The following MME variants were observed in gnomAD, a reference collection of about 807,000 sequenced individuals.
MME encodes the protein membrane metalloendopeptidase, also known as neprilysin.
In MME, 98 loss-of-function variants were observed where a neutral mutation model predicts 113.2. The ratio of observed to expected loss-of-function variants is 0.87; its 90% CI spans 0.74 to 1.02. The LOEUF (loss-of-function observed/expected upper bound fraction) is 1.02, where lower values mean the gene tolerates loss of function less well. Among genes scored for constraint, MME ranks in the 50% least tolerant of loss-of-function variants. The probability of loss-of-function intolerance (pLI) is 0.00; values close to 1 mark genes in which losing one functional copy is unlikely to be tolerated. For synonymous variants in MME, 292 were observed against 300.6 expected (o/e 0.97, Z 0.30); for missense variants, 836 against 896.0 (o/e 0.93, Z 0.86).
chr3:155,067,434 CTGAG>C (rs895479496), intron 1 of MME, among the ~76,000 whole-genome samples: 3 of 150,782 alleles, frequency 2.0e-5, no homozygotes, highest in African/African-American at 7.3e-5. Flanking sequence ...CCTCAGCCTC[CTGAG>C]TATCTGGGAT....
chr3:155,148,454 T>C lies in MME; in HGVS notation c.1498-96T>C, dbSNP rs114436113. 5.7e-4 allele frequency: 453 copies of C among 799,444 alleles called. No homozygotes were observed. The African/African-American group carries it at 7.1e-3, about 12-fold the overall frequency. 49.5% of individuals were successfully genotyped at this position (799,444 alleles called of 1,614,324 possible). The stretch of plus-strand genomic sequence containing the variant: ...TTTTTAATGCTCTCTTTTAACTTTA[T>C]TGACTGATATAATTTAAGAAAATCC... On this transcript the variant is annotated intron_variant, in intron 15 of 22. Coordinates refer to ENST00000360490, the MANE Select transcript of MME (RefSeq NM_007289.4).
At chr3:155,103,596 G>A (rs1044213496) in intron 3 of MME, among the ~76,000 whole-genome samples, 4 of 152,102 alleles carry the variant, frequency 2.6e-5, no homozygotes, top group Non-Finnish European at 4.4e-5. Context: ...TCTGTTTAAG[G>A]GAAAATTTCA....
At chr3:155,078,079 C>CAT (rs1714824566), upstream of MME, among the ~76,000 whole-genome samples, 1 of 151,338 alleles carries the variant, frequency 6.6e-6, no homozygotes, top group African/African-American at 2.4e-5. Context: ...CACACACACA[C>CAT]GCAAGCAAAA....
intron 1 of MME, among the ~76,000 whole-genome samples, chr3:155,026,622 C>T (rs945569654): frequency 1.1e-4 from 17 of 152,026 alleles, no homozygotes; most frequent in African/African-American, 3.9e-4. Flanking sequence ...TACTTGGGAG[C>T]CTGAGGCATA....
chr3:155,085,026 C>G (rs202035845), intron 2 of MME, 33 bp from the exon 3 acceptor site: 66 of 1,472,218 alleles, frequency 4.5e-5, no homozygotes, highest in Non-Finnish European at 6.1e-5. Context: ...ATTTGTGTTG[C>G]CAATATTTAT....
intron 3 of MME, among the ~76,000 whole-genome samples, chr3:155,111,805 C>T (rs1718212945): frequency 1.3e-5 from 2 of 152,122 alleles, no homozygotes; most frequent in South Asian, 4.1e-4. Flanking sequence ...AGTGCCCCCT[C>T]CAAATGGCAT....
intron 1 of MME, among the ~76,000 whole-genome samples, chr3:155,044,948 T>G (rs1255578073): frequency 1.3e-5 from 2 of 151,370 alleles, no homozygotes; most frequent in African/African-American, 4.9e-5. Context: ...TTTTTTTTTT[T>G]GGTGGGAAGT....
At chr3:155,028,719 T>C (rs1712867568) in intron 1 of MME, among the ~76,000 whole-genome samples, 1 of 152,192 alleles carries the variant, frequency 6.6e-6, no homozygotes, top group South Asian at 2.1e-4. Flanking sequence ...TTTGGTAGCA[T>C]TACATCTTTA....
intron 8 of MME, among the ~76,000 whole-genome samples, chr3:155,127,238 C>A (rs965177906): frequency 6.6e-6 from 1 of 152,114 alleles, no homozygotes; most frequent in Non-Finnish European, 1.5e-5. Context: ...AGTAGGCAGG[C>A]CATCCAGATG....
chr3:155,172,820 C>T (rs1433105199), intron 22 of MME, among the ~76,000 whole-genome samples: 1 of 151,398 alleles, frequency 6.6e-6, no homozygotes, highest in Non-Finnish European at 1.5e-5. Context: ...TTAGAATCTA[C>T]AATAATTATA....
chr3:155,034,798 T>C (rs190584999), intron 1 of MME, among the ~76,000 whole-genome samples: 5 of 152,336 alleles, frequency 3.3e-5, no homozygotes, highest in Non-Finnish European at 4.4e-5. Flanking sequence ...TCCATGTCTG[T>C]TAGTCAGTTT....
intron 22 of MME, among the ~76,000 whole-genome samples, chr3:155,175,311 G>C (rs1371398125): frequency 1.3e-5 from 2 of 151,644 alleles, no homozygotes; most frequent in African/African-American, 4.8e-5. Flanking sequence ...TCCTATTATT[G>C]TATTGCCTGC....
intron 1 of MME, among the ~76,000 whole-genome samples, chr3:155,060,558 T>C (rs1030987167): frequency 1.1e-4 from 17 of 152,044 alleles, no homozygotes; most frequent in Admixed American, 7.9e-4. Context: ...ACCCTGATGA[T>C]ACCAAGAAGG....
At chr3:155,039,796 T>C (rs1488462190) in intron 1 of MME, among the ~76,000 whole-genome samples, 1 of 152,140 alleles carries the variant, frequency 6.6e-6, no homozygotes, top group Non-Finnish European at 1.5e-5. Flanking sequence ...ATGTATATTT[T>C]TTCTTCCCAG....
intron 1 of MME, among the ~76,000 whole-genome samples, chr3:155,058,685 C>G (rs1307801137): frequency 6.6e-6 from 1 of 152,086 alleles, no homozygotes; most frequent in East Asian, 1.9e-4. Context: ...AACTGACTCT[C>G]AAATGAACAA....
At position 155,133,774 on chromosome 3, in the gene MME, T is replaced by C. The variant is rs188248337; in HGVS notation, c.721-4328T>C. On this transcript the variant is annotated intron_variant, in intron 8 of 22. Coordinates refer to ENST00000360490, the MANE Select transcript of MME (RefSeq NM_007289.4). ...TATATATGTGTATATATATGGTGTG[T>C]ATATATATATGGTATATATATATTT... 8.8e-5 allele frequency among the ~76,000 whole-genome samples: 13 copies of C among 146,900 alleles called. No homozygotes were observed. The East Asian group carries it at 2.6e-3, about 30-fold the overall frequency.
At chr3:155,103,315 G>A (rs1031560550) in intron 3 of MME, among the ~76,000 whole-genome samples, 8 of 152,206 alleles carry the variant, frequency 5.3e-5, no homozygotes, top group Admixed American at 5.2e-4. Context: ...AAGGTGACTT[G>A]TAAGCATACC....
At chr3:155,140,443 G>T (rs913294837) in intron 10 of MME, 151 bp downstream of exon 10, 6 of 511,302 alleles carry the variant, frequency 1.2e-5, no homozygotes, top group South Asian at 2.0e-5. Flanking sequence ...TTGAGACAGG[G>T]TCTCACTCTG....
At chr3:155,075,104 TA>T (rs890522948), upstream of MME, among the ~76,000 whole-genome samples, 1 of 151,956 alleles carries the variant, frequency 6.6e-6, no homozygotes, top group Non-Finnish European at 1.5e-5. Flanking sequence ...ATTCTTATAT[TA>T]TTTTTTGTAG....
Sources: gnomAD v4.1 joint callset for allele counts (sites outside exome capture counted in the v4.1 genomes callset) on GRCh38, gnomAD v4.1.1 for gene constraint, MANE v1.5 for transcripts, NCBI Gene and HGNC (gene_info 2026-07-23, HGNC 2026-07-21) for gene names.